The following STAB2 variants were observed in gnomAD, a reference collection of about 807,000 sequenced individuals.
STAB2 encodes stabilin-2.
Under a neutral mutation model 338.1 loss-of-function variants are expected in STAB2, and 288 were observed. The observed-to-expected ratio is 0.85, with a 90% CI of 0.77 to 0.94. STAB2 has a LOEUF of 0.94. Ranked by LOEUF, STAB2 falls within the 40% of genes least tolerant of loss-of-function variation. The probability of loss-of-function intolerance (pLI) is 0.00; values close to 1 mark genes in which losing one functional copy is unlikely to be tolerated. For missense variants in STAB2, 3,141 were observed against 3,210.1 expected (o/e 0.98, Z 0.52); for synonymous variants, 1,202 against 1,193.3 (o/e 1.01, Z -0.15).
Position 103,721,656 on chromosome 12 carries a change from G to A in STAB2, c.4684-3319G>A, listed in dbSNP as rs369811341. 9.7e-4 allele frequency among the ~76,000 whole-genome samples: 147 copies of A among 152,294 alleles called. 1 individual carries two copies. The Middle Eastern group carries it at 0.01, about 11-fold the overall frequency. On this transcript the variant is annotated intron_variant, in intron 44 of 68. Coordinates refer to ENST00000388887, the MANE Select transcript of STAB2 (RefSeq NM_017564.10). ...AATGATGCTGACCAAGAAAGACCAG[G>A]GTGGTATGACTAGAGCTATAGCAGT...
intron 60 of STAB2, among the ~76,000 whole-genome samples, chr12:103,751,765 AG>A (rs1193135624): frequency 6.6e-6 from 1 of 152,144 alleles, no homozygotes; most frequent in Non-Finnish European, 1.5e-5. Flanking sequence ...AAATCTACCC[AG>A]ACCATAGAGT....
chr12:103,745,130 G>A (rs925158191), intron 56 of STAB2, 43 bp from the exon 57 acceptor site: 3 of 1,556,338 alleles, frequency 1.9e-6, no homozygotes, highest in African/African-American at 2.7e-5. Context: ...GGTTGATTGG[G>A]TCTCAACCCC....
At chr12:103,590,246 T>C (rs771939989) in intron 1 of STAB2, among the ~76,000 whole-genome samples, 8 of 152,210 alleles carry the variant, frequency 5.3e-5, no homozygotes, top group Non-Finnish European at 1.0e-4. Flanking sequence ...CCCAATTCAT[T>C]TGTTTAATCA....
intron 3 of STAB2, among the ~76,000 whole-genome samples, chr12:103,611,763 T>C (rs887545430): frequency 1.3e-5 from 2 of 152,250 alleles, no homozygotes; most frequent in Non-Finnish European, 2.9e-5. Flanking sequence ...CGTTAGTTGA[T>C]GCAGTTTCTT....
chr12:103,681,709 C>T (rs1876926554), intron 25 of STAB2, among the ~76,000 whole-genome samples: 2 of 150,120 alleles, frequency 1.3e-5, no homozygotes, highest in South Asian at 4.3e-4. Context: ...ACAACCTCCA[C>T]CTCCCGGGTT....
intron 3 of STAB2, among the ~76,000 whole-genome samples, chr12:103,599,478 G>A (rs760177683): frequency 6.6e-6 from 1 of 152,110 alleles, no homozygotes; most frequent in African/African-American, 2.4e-5. Context: ...AGATTTCCTG[G>A]CTTCCATTCC....
At chr12:103,682,666 G>A (rs1271148994) in intron 25 of STAB2, among the ~76,000 whole-genome samples, 2 of 152,136 alleles carry the variant, frequency 1.3e-5, no homozygotes, top group Middle Eastern at 3.2e-3. Flanking sequence ...AATTCAGGAA[G>A]AGGCTGGGCG....
At chr12:103,623,488 G>A (rs1014154005) in intron 5 of STAB2, among the ~76,000 whole-genome samples, 3 of 152,284 alleles carry the variant, frequency 2.0e-5, no homozygotes, top group African/African-American at 7.2e-5. Context: ...GGCAGAAGAG[G>A]AGTGTCAGAG....
At chr12:103,708,644 A>T in intron 39 of STAB2, 108 bp downstream of exon 39, 1 of 1,013,876 alleles carries the variant, frequency 9.9e-7, no homozygotes, top group East Asian at 2.5e-5. Flanking sequence ...TTCTTCTGGC[A>T]ATAAACATGA....
At chr12:103,676,101 G>C in intron 24 of STAB2, 80 bp downstream of exon 24, 1 of 1,009,632 alleles carries the variant, frequency 9.9e-7, no homozygotes, top group South Asian at 1.8e-5. Flanking sequence ...TCGCTCTGTC[G>C]CCCAGGCTGG....
intron 34 of STAB2, 143 bp from the exon 35 acceptor site, chr12:103,703,005 T>C (rs1224730102): frequency 8.0e-6 from 8 of 1,002,946 alleles, no homozygotes; most frequent in Non-Finnish European, 1.1e-5. Context: ...TCAGAGCTCT[T>C]TCCAATACAA....
At chr12:103,740,097 T>C (rs1203476617) in intron 54 of STAB2, among the ~76,000 whole-genome samples, 1 of 152,234 alleles carries the variant, frequency 6.6e-6, no homozygotes, top group East Asian at 1.9e-4. Context: ...TCTGTGCAGC[T>C]ATTAGGAAAA....
In STAB2 at chr12:103,763,554, C is replaced by G. The variant is rs1884696520; in HGVS notation, c.7551C>G (p.Pro2517=). ...GKQQPENISN[P]LYESTTSAPP... Reference sequence around the variant, plus strand: ...AGCAGCCTGAGAATATCTCGAACCCCTTGTATGAGAGCACAACCTCAGCTC... The same window carrying G: ...AGCAGCCTGAGAATATCTCGAACCCGTTGTATGAGAGCACAACCTCAGCTC... The change falls in exon 68 of 69, where the codon CCC becomes CCG. Residue 2517 remains proline (P), a synonymous_variant. Coordinates refer to ENST00000388887, the MANE Select transcript of STAB2 (RefSeq NM_017564.10). 2 of 1,613,970 alleles carry G rather than the reference C, an allele frequency of 1.2e-6. No homozygotes were observed.
In STAB2 at chr12:103,655,503, A is replaced by T. The variant is rs763754980; in HGVS notation, c.1656A>T (p.Pro552=). ...TAGATGAGGATGGAGTTGGTGGACC[A>T]TACACCATTTTTGTTCCAAATAATG... ...HALDEDGVGG[P]YTIFVPNNEA... Residue 552 remains proline (P), a synonymous_variant, in exon 15 of 69, where the codon CCA becomes CCT. Coordinates refer to ENST00000388887, the MANE Select transcript of STAB2 (RefSeq NM_017564.10). The T allele has an allele frequency of 1.9e-6, 3 of 1,614,058 alleles. No homozygotes were observed. The Admixed American group carries it at 5.0e-5, about 27-fold the overall frequency.
At chr12:103,730,399 T>G in intron 49 of STAB2, 143 bp downstream of exon 49, 1 of 977,860 alleles carries the variant, frequency 1.0e-6, no homozygotes, top group South Asian at 1.6e-5. Context: ...TAAACATTAT[T>G]CTTAGTAAGA....
intron 20 of STAB2, chr12:103,668,957 C>G: frequency 2.3e-6 from 1 of 443,496 alleles, no homozygotes; most frequent in East Asian, 3.6e-5. Flanking sequence ...ACACTCTTAA[C>G]ACTTCCCCAC....
At chr12:103,629,492 T>C (rs1957427594) in intron 5 of STAB2, among the ~76,000 whole-genome samples, 1 of 152,114 alleles carries the variant, frequency 6.6e-6, no homozygotes, top group Non-Finnish European at 1.5e-5. Flanking sequence ...TAGGGTGCAA[T>C]AGTGGACACG....
At chr12:103,640,468 A>C (rs975103209) in intron 9 of STAB2, among the ~76,000 whole-genome samples, 8 of 152,140 alleles carry the variant, frequency 5.3e-5, no homozygotes, top group African/African-American at 1.7e-4. Context: ...TGACCATTAG[A>C]ATACTCTGGA....
At chr12:103,594,221 T>A (rs949421924) in intron 2 of STAB2, among the ~76,000 whole-genome samples, 174 bp from the exon 3 acceptor site, 4 of 152,356 alleles carry the variant, frequency 2.6e-5, no homozygotes, top group Admixed American at 2.6e-4. Flanking sequence ...TTCTTACAAT[T>A]AAAAATAATC....
Sources: gnomAD v4.1 joint callset for allele counts (sites outside exome capture counted in the v4.1 genomes callset) on GRCh38, gnomAD v4.1.1 for gene constraint, MANE v1.5 for transcripts, NCBI Gene and HGNC (gene_info 2026-07-23, HGNC 2026-07-21) for gene names.